Variants in CDIN1 observed in about 807,000 individuals in gnomAD.
The protein encoded by CDIN1 is CDAN1-interacting nuclease 1.
CDIN1 carries 33 observed loss-of-function variants against 45.3 expected under a neutral mutation model. That is an observed-to-expected ratio of 0.73 (90% CI 0.55 to 0.97). CDIN1 has a LOEUF of 0.97. CDIN1 is among the 50% of genes least tolerant of loss of function. The pLI is 0.00. For missense variants in CDIN1, 303 were observed against 339.4 expected (o/e 0.89, Z 0.84); for synonymous variants, 118 against 124.4 (o/e 0.95, Z 0.34).
intron 1 of CDIN1, among the ~76,000 whole-genome samples, chr15:36,639,668 T>C (rs960023666): frequency 5.9e-5 from 9 of 152,164 alleles, no homozygotes; most frequent in African/African-American, 1.9e-4. Flanking sequence ...GTAGGTATTA[T>C]CAGTAATCAA....
At chr15:36,620,355 A>G (rs550667278) in intron 1 of CDIN1, among the ~76,000 whole-genome samples, 78 of 152,308 alleles carry the variant, frequency 5.1e-4, no homozygotes, top group Admixed American at 2.2e-3. Flanking sequence ...TGTCTCAAAA[A>G]AAATAAAAAT....
At chr15:36,724,698 G>A (rs937900349) in intron 10 of CDIN1, among the ~76,000 whole-genome samples, 1 of 152,122 alleles carries the variant, frequency 6.6e-6, no homozygotes, top group African/African-American at 2.4e-5. Flanking sequence ...CTTGTGACAT[G>A]ACATCATAAT....
chr15:36,801,717 C>T (rs2055055258), intron 10 of CDIN1, among the ~76,000 whole-genome samples: 1 of 152,182 alleles, frequency 6.6e-6, no homozygotes, highest in Admixed American at 6.6e-5. Context: ...CTTCTCTGAA[C>T]TTTATGTAGT....
intron 10 of CDIN1, among the ~76,000 whole-genome samples, chr15:36,729,995 C>A (rs969557858): frequency 1.3e-5 from 2 of 152,086 alleles, no homozygotes; most frequent in Non-Finnish European, 2.9e-5. Flanking sequence ...AGGTCTATGT[C>A]AATTATATTT....
intron 1 of CDIN1, among the ~76,000 whole-genome samples, chr15:36,586,166 T>G (rs943642867): frequency 6.6e-6 from 1 of 151,414 alleles, no homozygotes; most frequent in Non-Finnish European, 1.5e-5. Context: ...CACTCCACAG[T>G]TTGCTTGGTG....
At chr15:36,800,128 C>G (rs953617011) in intron 10 of CDIN1, among the ~76,000 whole-genome samples, 3 of 152,004 alleles carry the variant, frequency 2.0e-5, no homozygotes, top group Non-Finnish European at 2.9e-5. Flanking sequence ...GGCATAAAGG[C>G]CCAAAGTGAA....
chr15:36,805,389 G>T (rs1372711381), intron 10 of CDIN1, among the ~76,000 whole-genome samples: 2 of 152,084 alleles, frequency 1.3e-5, no homozygotes, highest in African/African-American at 4.8e-5. Flanking sequence ...CAGACCCAAG[G>T]ACTCTCTTTT....
chr15:36,797,423 A>G (rs1223603383), intron 10 of CDIN1, among the ~76,000 whole-genome samples: 1 of 152,160 alleles, frequency 6.6e-6, no homozygotes, highest in African/African-American at 2.4e-5. Context: ...GTGTGCAGCA[A>G]TTGGCTCCCA....
intron 1 of CDIN1, among the ~76,000 whole-genome samples, chr15:36,607,807 T>C (rs926193076): frequency 2.6e-5 from 4 of 152,168 alleles, no homozygotes; most frequent in African/African-American, 9.7e-5. Flanking sequence ...ATTATCTAAT[T>C]ACAGAATATT....
At chr15:36,643,674 C>T (rs561548344) in intron 1 of CDIN1, among the ~76,000 whole-genome samples, 3 of 152,248 alleles carry the variant, frequency 2.0e-5, no homozygotes, top group South Asian at 2.1e-4. Context: ...TTGTCTTAGA[C>T]GAATAAGGCT....
intron 1 of CDIN1, among the ~76,000 whole-genome samples, chr15:36,633,624 AT>A (rs1467343675): frequency 6.6e-6 from 1 of 152,078 alleles, no homozygotes; most frequent in Non-Finnish European, 1.5e-5. Flanking sequence ...TTCTTCTTGA[AT>A]TTTAACATAC....
At chr15:36,740,799 G>A (rs2084562645) in intron 10 of CDIN1, among the ~76,000 whole-genome samples, 2 of 151,456 alleles carry the variant, frequency 1.3e-5, no homozygotes, top group Non-Finnish European at 2.9e-5. Flanking sequence ...TGAGGCAGGA[G>A]AATCGCTTGA....
chr15:36,714,139 G>A (rs573525009), intron 10 of CDIN1, among the ~76,000 whole-genome samples: 2 of 152,228 alleles, frequency 1.3e-5, no homozygotes, highest in South Asian at 4.2e-4. Flanking sequence ...GTATAGTGAG[G>A]AAAATGCCTG....
At chr15:36,801,821 C>T (rs1202992640) in intron 10 of CDIN1, among the ~76,000 whole-genome samples, 1 of 152,180 alleles carries the variant, frequency 6.6e-6, no homozygotes, top group Non-Finnish European at 1.5e-5. Context: ...ATTTCTTTTG[C>T]CAGAATTATG....
At chr15:36,600,988 T>G (rs375089215) in intron 1 of CDIN1, among the ~76,000 whole-genome samples, 4 of 152,160 alleles carry the variant, frequency 2.6e-5, no homozygotes, top group African/African-American at 7.2e-5. Context: ...GTAAATTTGT[T>G]TCATGTGATT....
At chr15:36,594,874 A>C in intron 1 of CDIN1, 2 of 985,170 alleles carry the variant, frequency 2.0e-6, no homozygotes, top group Non-Finnish European at 2.4e-6. Context: ...TTGGCTCTTT[A>C]ATACCACCCC....
rs2053701441 is a variant in CDIN1 at position 36,759,517 on chromosome 15, A to G, written c.717-48807A>G. Among the ~76,000 whole-genome samples the G allele has an allele frequency of 5.3e-5, 8 of 152,198 alleles. No homozygotes were observed. The South Asian group carries it at 1.5e-3, about 28-fold the overall frequency. On this transcript the variant is annotated intron_variant, in intron 10 of 10. Transcript: ENST00000566621. ...CTAAAAAAAAAACTCATTTAAAATA[A>G]ATTGTGCTTTTTTTGTAATACATTA... is the stretch of plus-strand genomic sequence containing the variant.
At chr15:36,624,876 C>T (rs79251729) in intron 1 of CDIN1, among the ~76,000 whole-genome samples, 1,770 of 151,930 alleles carry the variant, frequency 0.012, 18 homozygotes, top group Non-Finnish European at 0.018. Context: ...GTCATTTTTG[C>T]GGGTTTTATA....
chr15:36,644,592 C>T lies in CDIN1; in HGVS notation c.147+269C>T, dbSNP rs4923721. The stretch of plus-strand genomic sequence containing the variant: ...TGACAATAATAATTTCCCTGTGTTG[C>T]GTGGTTCCATGTGCTAAATGTTTGC... On this transcript the variant is annotated intron_variant, in intron 2 of 10. Transcript: ENST00000566621. 0.95 allele frequency among the ~76,000 whole-genome samples: 145,196 copies of T among 152,210 alleles called. 69,260 individuals carry two copies. The highest frequency in any genetic ancestry group is 1 in the East Asian group (5,153 of 5,160).
Sources: allele counts gnomAD v4.1 joint callset (sites outside exome capture counted in the v4.1 genomes callset), GRCh38; gene constraint gnomAD v4.1.1; transcripts MANE v1.5; gene names NCBI Gene and HGNC (gene_info 2026-07-23, HGNC 2026-07-21).